ARHGAP19: variants seen among roughly 807,000 people sequenced by gnomAD.
ARHGAP19 encodes the protein rho GTPase-activating protein 19.
Under a neutral mutation model 60.9 loss-of-function variants are expected in ARHGAP19, and 48 were observed. The observed-to-expected ratio is 0.79, with a 90% CI of 0.62 to 1.00. ARHGAP19 has a LOEUF of 1.00. ARHGAP19 is among the 50% of genes least tolerant of loss of function. The pLI is 0.00. For missense variants in ARHGAP19, 562 were observed against 597.2 expected (o/e 0.94, Z 0.61); for synonymous variants, 209 against 215.5 (o/e 0.97, Z 0.27).
chr10:97,284,315 G>T (rs922185139), intron 1 of ARHGAP19, among the ~76,000 whole-genome samples: 2 of 152,030 alleles, frequency 1.3e-5, no homozygotes, highest in East Asian at 1.9e-4. Context: ...TAGAGACAGG[G>T]TTTCACCATG....
At chr10:97,282,905 C>T (rs1160797558) in intron 1 of ARHGAP19, among the ~76,000 whole-genome samples, 3 of 140,968 alleles carry the variant, frequency 2.1e-5, no homozygotes, top group African/African-American at 8.0e-5. Context: ...TGCAGTGGTG[C>T]GATCTCGGCT....
intron 11 of ARHGAP19, among the ~76,000 whole-genome samples, chr10:97,227,731 C>T (rs183321287): frequency 1.0e-3 from 159 of 152,164 alleles, no homozygotes; most frequent in Admixed American, 1.9e-3. Flanking sequence ...ATTCTCTCCC[C>T]CAGAAAAATA....
intron 1 of ARHGAP19, among the ~76,000 whole-genome samples, chr10:97,281,876 G>A (rs537178943): frequency 5.8e-4 from 88 of 152,232 alleles, no homozygotes; most frequent in Non-Finnish European, 1.0e-3. Context: ...AATACTTAAG[G>A]TGCTTTTTGG....
In ARHGAP19 at chr10:97,272,131, C is replaced by CTTTTTTTTTTTT. The variant is rs35980234; in HGVS notation, c.57-6018_57-6007dup. ...TTATACACTTAGGTGGGAAATATGT[C>CTTTTTTTTTTTT]TTTTTTTTTTTTTTTTTTTTTTCAG... On this transcript the variant is annotated intron_variant, in intron 1 of 11. Coordinates refer to ENST00000358531, the MANE Select transcript of ARHGAP19 (RefSeq NM_032900.6). Among the ~76,000 whole-genome samples the CTTTTTTTTTTTT allele has an allele frequency of 7.5e-4, 64 of 85,648 alleles. 1 individual carries two copies. Among genetic ancestry groups the CTTTTTTTTTTTT allele is most frequent in the Non-Finnish European group, 1.1e-3 (55 of 49,350 alleles). 56.2% of individuals were successfully genotyped at this position (85,648 alleles called of 152,430 possible).
Position 97,259,416 on chromosome 10 carries a change from G to A in ARHGAP19, c.826C>T (p.Leu276=). 6.2e-7 allele frequency: 1 copy of A among 1,614,036 alleles called. No individual in the cohort carries two copies. Among genetic ancestry groups the A allele is most frequent in the Non-Finnish European group, 8.5e-7 (1 of 1,179,952 alleles). Residue 276 remains leucine (L), a synonymous_variant, in exon 5 of 12, where the codon CTG becomes TTG. Coordinates refer to ENST00000358531, the MANE Select transcript of ARHGAP19 (RefSeq NM_032900.6). ...TCAACACTCACATTTTTTGGCCACAGGACATGGGGTGCAAACATAAGGGCA... is the reference window on the plus strand; with the variant it reads ...TCAACACTCACATTTTTTGGCCACAAGACATGGGGTGCAAACATAAGGGCA... ...NLALMFAPHV[L]WPKNVTANDL... is the part of the protein sequence containing the mutation.
intron 2 of ARHGAP19, 47 bp from the exon 3 acceptor site, chr10:97,264,953 A>C (rs763352807): frequency 1.4e-6 from 2 of 1,420,308 alleles, no homozygotes; most frequent in Non-Finnish European, 2.0e-6. Flanking sequence ...CACAAATAGT[A>C]CAAAATCATC....
intron 6 of ARHGAP19, among the ~76,000 whole-genome samples, chr10:97,248,660 A>G (rs1842597714): frequency 6.6e-6 from 1 of 152,154 alleles, no homozygotes; most frequent in Non-Finnish European, 1.5e-5. Flanking sequence ...TGGAGAAATA[A>G]TTACTCCGAT....
At chr10:97,233,844 G>A (rs1040648669) in intron 9 of ARHGAP19, among the ~76,000 whole-genome samples, 1 of 151,486 alleles carries the variant, frequency 6.6e-6, no homozygotes, top group Non-Finnish European at 1.5e-5. Context: ...CTCCAGCCTG[G>A]GTGACAGAGA....
In ARHGAP19 at chr10:97,229,232, T is replaced by C. The variant is rs1470388133; in HGVS notation, c.1396-7A>G. On this transcript the variant is annotated splice_region_variant and splice_polypyrimidine_tract_variant and intron_variant, in intron 10 of 11. Coordinates refer to ENST00000358531, the MANE Select transcript of ARHGAP19 (RefSeq NM_032900.6). ...CTGGAGAGCCAGAAAATAACTGTAA[T>C]AAGAAAATTGTACAGTGGTTTCAAT... 8.7e-6 allele frequency: 14 copies of C among 1,610,404 alleles called. No homozygotes were observed. Among genetic ancestry groups the C allele is most frequent in the Non-Finnish European group, 1.2e-5 (14 of 1,176,540 alleles).
At chr10:97,251,449 G>C (rs1842660495) in intron 6 of ARHGAP19, among the ~76,000 whole-genome samples, 1 of 82,182 alleles carries the variant, frequency 1.2e-5, no homozygotes, top group African/African-American at 5.4e-5. Flanking sequence ...AGGAGACGGG[G>C]AAGGGGAAGG....
At chr10:97,261,611 A>G (rs1842830213) in intron 4 of ARHGAP19, among the ~76,000 whole-genome samples, 1 of 152,178 alleles carries the variant, frequency 6.6e-6, no homozygotes, top group Non-Finnish European at 1.5e-5. Context: ...TACTCATTGC[A>G]TCATTTGGAT....
chr10:97,252,947 T>C (rs1043692793), intron 6 of ARHGAP19, among the ~76,000 whole-genome samples: 2 of 152,144 alleles, frequency 1.3e-5, no homozygotes, highest in Non-Finnish European at 2.9e-5. Context: ...GTGGCGTATA[T>C]ACACAATGGA....
intron 1 of ARHGAP19, among the ~76,000 whole-genome samples, chr10:97,289,359 AC>A (rs2134935313): frequency 6.6e-6 from 1 of 151,360 alleles, no homozygotes; most frequent in South Asian, 2.1e-4. Flanking sequence ...CAGGTGATGC[AC>A]CCGCCTCAGC....
At chr10:97,242,750 G>A (rs997840653) in intron 8 of ARHGAP19, among the ~76,000 whole-genome samples, 1 of 152,136 alleles carries the variant, frequency 6.6e-6, no homozygotes, top group Non-Finnish European at 1.5e-5. Context: ...CTGACCTCAG[G>A]TGATCTGCTT....
chr10:97,256,295 G>A, intron 6 of ARHGAP19, 23 bp downstream of exon 6: 1 of 1,572,904 alleles, frequency 6.4e-7, no homozygotes, highest in Non-Finnish European at 8.8e-7. Context: ...CCTGTTACCA[G>A]CCAAATGCTA....
At chr10:97,250,486 G>C (rs1842628282) in intron 6 of ARHGAP19, among the ~76,000 whole-genome samples, 1 of 151,412 alleles carries the variant, frequency 6.6e-6, no homozygotes, top group African/African-American at 2.4e-5. Context: ...CCGGGTTCAA[G>C]TGATTCTCCT....
rs1437283542 is a variant in ARHGAP19, at chr10:97,223,807, G to C, written c.*2315C>G. The C allele has an allele frequency of 6.6e-6, 1 of 151,938 alleles. No homozygotes were observed. Among genetic ancestry groups the C allele is most frequent in the Non-Finnish European group, 1.5e-5 (1 of 68,028 alleles). The allele number at this position is 151,938 out of a possible 1,614,324, so 9.4% of individuals were successfully genotyped here. The stretch of plus-strand genomic sequence containing the variant: ...CGTAAGATTCCACTGGATTAGAATA[G>C]TTACATATTACAAGGTAGAAGGTTA... On this transcript the variant is annotated 3_prime_UTR_variant, in exon 12 of 12. Coordinates refer to ENST00000358531, the MANE Select transcript of ARHGAP19 (RefSeq NM_032900.6).
chr10:97,226,392 C>T (rs905323522), intron 11 of ARHGAP19, among the ~76,000 whole-genome samples: 3 of 152,162 alleles, frequency 2.0e-5, no homozygotes, highest in Admixed American at 6.6e-5. Flanking sequence ...CATTATTTAT[C>T]CTCACAATAA....
Position 97,264,876 on chromosome 10 carries a change from G to A in ARHGAP19, c.353C>T (p.Thr118Met), listed in dbSNP as rs554411827. 18 of 1,613,484 alleles carry A rather than the reference G, an allele frequency of 1.1e-5. No individual in the cohort carries two copies. The highest frequency in any genetic ancestry group is 1.7e-5 in the Admixed American group (1 of 59,984). The change falls in exon 3 of 12, where the codon ACG becomes ATG. Residue 118 changes from threonine to methionine, a missense_variant. By Grantham distance (81) the Thr-to-Met change is moderately conservative. Transcript: ENST00000358531. The stretch of plus-strand genomic sequence containing the variant: ...GTATATCTGGGCAATGCCTTCCTCC[G>A]TCAGTGGGGACCCAAATATCACTCC... ...EKGVIFGSPL[T>M]EEGIAQIYQL...
Sources: allele counts gnomAD v4.1 joint callset (sites outside exome capture counted in the v4.1 genomes callset), GRCh38; gene constraint gnomAD v4.1.1; transcripts MANE v1.5; gene names NCBI Gene and HGNC (gene_info 2026-07-23, HGNC 2026-07-21).